The following CLEC2A variants were observed in gnomAD, a reference collection of about 807,000 sequenced individuals.
CLEC2A encodes keratinocyte-associated C-type lectin.
Under a neutral mutation model 18.6 loss-of-function variants are expected in CLEC2A, and 19 were observed. The ratio of observed to expected loss-of-function variants is 1.02; its 90% CI spans 0.71 to 1.50. The LOEUF is 1.50. Ranked by LOEUF, CLEC2A falls within the 40% of genes most tolerant of loss-of-function variation. CLEC2A has a pLI of 0.00. For synonymous variants in CLEC2A, 74 were observed against 64.0 expected (o/e 1.16, Z -0.75); for missense variants, 190 against 207.9 (o/e 0.91, Z 0.53).
intron 4 of CLEC2A, among the ~76,000 whole-genome samples, 197 bp from the exon 5 acceptor site, chr12:9,913,877 A>C (rs1231831472): frequency 6.6e-6 from 1 of 152,256 alleles, no homozygotes; most frequent in Non-Finnish European, 1.5e-5. Context: ...TGTTGGAGTT[A>C]AAATCTGTAA....
chr12:9,880,038 AAGTTT>A, the CLEC2A span, among the ~76,000 whole-genome samples: 1 of 152,208 alleles, frequency 6.6e-6, no homozygotes, highest in South Asian at 2.1e-4. Context: ...TGAAAAAAAT[AAGTTT>A]ATCAGTGGTT....
intron 4 of CLEC2A, among the ~76,000 whole-genome samples, chr12:9,916,385 AT>A (rs1202788839): frequency 2.0e-5 from 3 of 152,124 alleles, no homozygotes; most frequent in Non-Finnish European, 4.4e-5. Context: ...TTGGCTTAAA[AT>A]TTGCAGAATG....
At chr12:9,882,605 C>A in the CLEC2A span, among the ~76,000 whole-genome samples, 1 of 152,024 alleles carries the variant, frequency 6.6e-6, no homozygotes, top group Admixed American at 6.6e-5. Context: ...TGGTGAAACC[C>A]CGTCTCTACT....
chr12:9,921,745 G>A (rs1204046314), intron 3 of CLEC2A, among the ~76,000 whole-genome samples: 1 of 152,158 alleles, frequency 6.6e-6, no homozygotes, highest in Non-Finnish European at 1.5e-5. Flanking sequence ...AAGGAAGCTA[G>A]AGAAAAGAAG....
the CLEC2A span, among the ~76,000 whole-genome samples, chr12:9,889,356 G>A: frequency 6.6e-6 from 1 of 152,040 alleles, no homozygotes; most frequent in Admixed American, 6.5e-5. Context: ...ATGTCACTGG[G>A]AAGATATTTT....
At chr12:9,899,219 T>C (rs142377803) in intron 4 of CLEC2A, among the ~76,000 whole-genome samples, 2 of 152,198 alleles carry the variant, frequency 1.3e-5, no homozygotes, top group East Asian at 3.9e-4. Context: ...GTTTGGGAAA[T>C]TAACCTTTTC....
rs1014673032 is a variant in CLEC2A, at chr12:9,926,316, A to C, written c.83T>G (p.Ile28Ser). The change falls in exon 2 of 5, where the codon ATT becomes AGT. Residue 28 changes from isoleucine (I) to serine (S), a missense_variant. Transcript: ENST00000455827. ...AATACTCAGGAAGCACATAAGGCCA[A>C]TCTTCCAGTTTTGTATCAACTTGGG... ...IVPKLIQNWK[I>S]GLMCFLSIII... The C allele has an allele frequency of 5.2e-6, 8 of 1,549,414 alleles. No individual in the cohort carries two copies. In the Admixed American group the frequency reaches 1.4e-4, roughly 27 times the overall value.
At chr12:9,883,081 GAAA>G in the CLEC2A span, among the ~76,000 whole-genome samples, 1 of 152,126 alleles carries the variant, frequency 6.6e-6, no homozygotes, top group Non-Finnish European at 1.5e-5. Context: ...AATTGGGCCA[GAAA>G]AATTACTGTA....
chr12:9,926,218 G>A (rs1489680105), intron 2 of CLEC2A, 42 bp downstream of exon 2: 4 of 1,177,688 alleles, frequency 3.4e-6, no homozygotes, highest in Middle Eastern at 1.9e-4. Flanking sequence ...GGACCCTTCA[G>A]GAGTGAAGAA....
At chr12:9,880,321 G>A in the CLEC2A span, among the ~76,000 whole-genome samples, 1 of 152,188 alleles carries the variant, frequency 6.6e-6, no homozygotes, top group Non-Finnish European at 1.5e-5. Flanking sequence ...TAGAGATCAT[G>A]CAGAATGGAC....
chr12:9,882,617 A>T, the CLEC2A span, among the ~76,000 whole-genome samples: 2 of 152,036 alleles, frequency 1.3e-5, no homozygotes, highest in Non-Finnish European at 2.9e-5. Context: ...GTCTCTACTA[A>T]AAATACAAAA....
the CLEC2A span, among the ~76,000 whole-genome samples, chr12:9,881,894 G>C: frequency 3.9e-3 from 597 of 152,246 alleles, 5 homozygotes; most frequent in African/African-American, 0.014. Context: ...GTGTAATCCT[G>C]TGTGTTGTAG....
At chr12:9,919,666 A>G (rs1453124829) in intron 3 of CLEC2A, among the ~76,000 whole-genome samples, 2 of 152,186 alleles carry the variant, frequency 1.3e-5, no homozygotes, top group Non-Finnish European at 2.9e-5. Flanking sequence ...ATGGGCACTC[A>G]TGTAACAGTC....
intron 4 of CLEC2A, among the ~76,000 whole-genome samples, chr12:9,907,356 T>C (rs1484148596): frequency 1.3e-5 from 2 of 152,198 alleles, no homozygotes; most frequent in African/African-American, 4.8e-5. Context: ...GGGTAAATTT[T>C]TGGTATAAAA....
chr12:9,881,823 T>C, the CLEC2A span, among the ~76,000 whole-genome samples: 14 of 152,194 alleles, frequency 9.2e-5, no homozygotes, highest in Non-Finnish European at 1.8e-4. Context: ...CATGAAAGCA[T>C]CAACAATAAA....
the CLEC2A span, among the ~76,000 whole-genome samples, chr12:9,887,180 GA>G: frequency 3.3e-5 from 5 of 152,000 alleles, no homozygotes; most frequent in Non-Finnish European, 5.9e-5. Flanking sequence ...CATTTCTCAA[GA>G]GTAAAAGCAA....
chr12:9,914,953 T>C (rs144313875), intron 4 of CLEC2A, among the ~76,000 whole-genome samples: 83 of 152,214 alleles, frequency 5.5e-4, no homozygotes, highest in African/African-American at 1.9e-3. Context: ...TTTTGCAATC[T>C]ACCCATCTGT....
chr12:9,883,078 C>T, the CLEC2A span, among the ~76,000 whole-genome samples: 1 of 152,000 alleles, frequency 6.6e-6, no homozygotes, highest in Non-Finnish European at 1.5e-5. Flanking sequence ...ATAAATTGGG[C>T]CAGAAAAATT....
At chr12:9,883,424 T>A in the CLEC2A span, among the ~76,000 whole-genome samples, 1 of 152,224 alleles carries the variant, frequency 6.6e-6, no homozygotes, top group African/African-American at 2.4e-5. Flanking sequence ...TGTACTCAGC[T>A]CTCTGTTCAC....
Sources: gnomAD v4.1 joint callset for allele counts (sites outside exome capture counted in the v4.1 genomes callset) on GRCh38, gnomAD v4.1.1 for gene constraint, MANE v1.5 for transcripts, NCBI Gene and HGNC (gene_info 2026-07-23, HGNC 2026-07-21) for gene names.